The following CRISPLD1 variants were observed in gnomAD, a reference collection of about 807,000 sequenced individuals.
CRISPLD1 encodes cysteine rich secretory protein LCCL domain containing 1, also known as cysteine-rich secretory protein LCCL domain-containing 1.
In CRISPLD1, 60 loss-of-function variants were observed where a neutral mutation model predicts 77.5. The observed-to-expected ratio is 0.77, with a 90% CI of 0.63 to 0.96. CRISPLD1 has a LOEUF of 0.96. Among genes scored for constraint, CRISPLD1 ranks in the 40% least tolerant of loss-of-function variants. CRISPLD1 has a pLI of 0.00. For missense variants in CRISPLD1, 623 were observed against 615.8 expected (o/e 1.01, Z -0.12); for synonymous variants, 195 against 200.1 (o/e 0.97, Z 0.22).
intron 2 of CRISPLD1, among the ~76,000 whole-genome samples, chr8:74,994,180 TA>T (rs1325410521): frequency 6.6e-6 from 1 of 152,176 alleles, no homozygotes; most frequent in Non-Finnish European, 1.5e-5. Context: ...GCAATTGCAG[TA>T]ATCGTACAAC....
intron 10 of CRISPLD1, among the ~76,000 whole-genome samples, chr8:75,018,957 A>G (rs1215720114): frequency 6.6e-6 from 1 of 152,244 alleles, no homozygotes; most frequent in East Asian, 1.9e-4. Flanking sequence ...ACTTTCAATA[A>G]GTAATAAATA....
At position 75,029,279 on chromosome 8, in the gene CRISPLD1, C is replaced by T. The variant is rs564147653; in HGVS notation, c.1321-108C>T. ...ATCCTGTAGCTGCTCACTGGCTATC[C>T]ATGACATCAGGATGTCAGCGACTTC... On this transcript the variant is annotated intron_variant, in intron 13 of 14. Coordinates refer to ENST00000262207, the MANE Select transcript of CRISPLD1 (RefSeq NM_031461.6). The T allele has an allele frequency of 3.6e-4, 389 of 1,068,032 alleles. 4 individuals are homozygous for T. In the South Asian group the frequency reaches 5.9e-3, roughly 16 times the overall value. 66.2% of individuals were successfully genotyped at this position (1,068,032 alleles called of 1,614,324 possible).
intron 6 of CRISPLD1, 98 bp from the exon 7 acceptor site, chr8:75,016,467 C>A: frequency 8.2e-7 from 1 of 1,214,678 alleles, no homozygotes; most frequent in Non-Finnish European, 1.1e-6. Context: ...TTTTCTAGTT[C>A]TAAATGTTAA....
At chr8:75,025,674 A>G in intron 13 of CRISPLD1, 53 bp downstream of exon 13, 2 of 928,678 alleles carry the variant, frequency 2.2e-6, no homozygotes, top group Non-Finnish European at 1.8e-6. Context: ...ATATAAATGT[A>G]TAGACACATT....
intron 2 of CRISPLD1, among the ~76,000 whole-genome samples, chr8:75,004,960 T>C (rs1026897170): frequency 4.6e-5 from 7 of 152,126 alleles, no homozygotes; most frequent in Non-Finnish European, 1.0e-4. Context: ...CTCAACTAAA[T>C]GGAAAGTTTT....
At chr8:75,006,786 C>T (rs1587012822) in intron 2 of CRISPLD1, among the ~76,000 whole-genome samples, 1 of 152,096 alleles carries the variant, frequency 6.6e-6, no homozygotes, top group East Asian at 1.9e-4. Context: ...AGACTAATTA[C>T]AACTTACCAA....
chr8:75,033,020 G>C lies in CRISPLD1; in HGVS notation c.*778G>C, dbSNP rs1468917824. ...TTGTATCCTGGCAAATACTCCTGCA[G>C]GCCAGGAAGTATAATAGCAAAAAGT... On this transcript the variant is annotated 3_prime_UTR_variant, in exon 15 of 15. Transcript: ENST00000262207. The C allele has an allele frequency of 6.6e-6, 1 of 152,094 alleles. No homozygotes were observed. The highest frequency in any genetic ancestry group is 2.4e-5 in the African/African-American group (1 of 41,362). 9.4% of individuals were successfully genotyped at this position (152,094 alleles called of 1,614,324 possible).
Position 75,017,090 on chromosome 8 carries a change from A to AT in CRISPLD1, c.975dup (p.Gly326TrpfsTer6). On this transcript the variant is annotated frameshift_variant, in exon 9 of 15. Transcript: ENST00000262207. LOFTEE classifies it high-confidence loss of function. ...CTGTTTGGATAGTAAAGCTAAAGTT[A>AT]TTGGCAGTGTACATTATGAAATGGT... 1.2e-6 allele frequency: 2 copies of AT among 1,612,552 alleles called. No individual in the cohort carries two copies. The highest frequency in any genetic ancestry group is 1.7e-6 in the Non-Finnish European group (2 of 1,179,062).
At chr8:75,029,773 G>A (rs1396588575) in intron 14 of CRISPLD1, among the ~76,000 whole-genome samples, 1 of 152,016 alleles carries the variant, frequency 6.6e-6, no homozygotes, top group Non-Finnish European at 1.5e-5. Flanking sequence ...CTACTCTTTT[G>A]TTAATTAGTC....
At position 75,017,030 on chromosome 8, in the gene CRISPLD1, C is replaced by T. The variant is rs1813042857; in HGVS notation, c.930-17C>T. On this transcript the variant is annotated splice_polypyrimidine_tract_variant and intron_variant, in intron 8 of 14. Transcript: ENST00000262207. ...ATTCAGAGAAACTAAATTTTGTGCCCAATTACTTTTATTTAGGTACGAATG... is the reference window on the plus strand; with the variant it reads ...ATTCAGAGAAACTAAATTTTGTGCCTAATTACTTTTATTTAGGTACGAATG... The T allele has an allele frequency of 3.7e-6, 6 of 1,604,668 alleles. No homozygotes were observed. The highest frequency in any genetic ancestry group is 3.4e-6 in the Non-Finnish European group (4 of 1,174,968).
At chr8:75,031,565 C>CTGTG (rs1491389793) in intron 14 of CRISPLD1, among the ~76,000 whole-genome samples, 37 of 87,562 alleles carry the variant, frequency 4.2e-4, no homozygotes, top group African/African-American at 2.0e-3. Context: ...AGATTGAATG[C>CTGTG]TCTGTGTGTG....
At chr8:75,012,849 C>G in intron 3 of CRISPLD1, 41 bp from the exon 4 acceptor site, 1 of 1,575,494 alleles carries the variant, frequency 6.3e-7, no homozygotes, top group Non-Finnish European at 8.6e-7. Flanking sequence ...TGTATTTTCT[C>G]CAACTTTGCT....
At chr8:75,013,660 C>A (rs1337937074) in intron 4 of CRISPLD1, among the ~76,000 whole-genome samples, 12 of 152,014 alleles carry the variant, frequency 7.9e-5, no homozygotes, top group Non-Finnish European at 1.8e-4. Context: ...ATTTTCTGTT[C>A]CTTTGTCAGA....
intron 5 of CRISPLD1, among the ~76,000 whole-genome samples, 156 bp downstream of exon 5, chr8:75,014,258 T>C (rs1368860723): frequency 6.6e-6 from 1 of 152,196 alleles, no homozygotes; most frequent in African/African-American, 2.4e-5. Context: ...AGTTGCCTAA[T>C]GCATAAAATA....
chr8:74,992,346 C>A (rs1441315869), intron 2 of CRISPLD1, among the ~76,000 whole-genome samples: 1 of 150,802 alleles, frequency 6.6e-6, no homozygotes, highest in Non-Finnish European at 1.5e-5. Flanking sequence ...AAAAATTGTC[C>A]TATAACATAG....
chr8:75,031,759 C>A (rs986281744), intron 14 of CRISPLD1, among the ~76,000 whole-genome samples: 1 of 152,008 alleles, frequency 6.6e-6, no homozygotes, highest in Non-Finnish European at 1.5e-5. Flanking sequence ...TAAGCTAGCG[C>A]TCTAGAGTAT....
chr8:75,019,920 AC>A lies in CRISPLD1; in HGVS notation c.1171+8del. On this transcript the variant is annotated splice_region_variant and intron_variant, in intron 11 of 14. Transcript: ENST00000262207. ...ACAGTCTCTAAAGTAACAGGTTAGCACATTCTTCATCTTATTTTCTTAGTAC... is the reference window on the plus strand; with the variant it reads ...ACAGTCTCTAAAGTAACAGGTTAGCAATTCTTCATCTTATTTTCTTAGTAC... 1 of 1,612,872 alleles carries A rather than the reference AC, an allele frequency of 6.2e-7. No individual in the cohort carries two copies. Among genetic ancestry groups the A allele is most frequent in the Non-Finnish European group, 8.5e-7 (1 of 1,178,804 alleles).
intron 2 of CRISPLD1, among the ~76,000 whole-genome samples, chr8:75,004,677 A>G (rs571032969): frequency 9.2e-5 from 14 of 152,224 alleles, no homozygotes; most frequent in African/African-American, 3.4e-4. Flanking sequence ...TCGAAATAAG[A>G]TGGATGATTT....
At chr8:75,000,061 C>CAA in intron 2 of CRISPLD1, 2 of 792,562 alleles carry the variant, frequency 2.5e-6, no homozygotes, top group Non-Finnish European at 3.1e-6. Context: ...GGATAATGAG[C>CAA]TATTAGGCAA....
Sources: allele counts gnomAD v4.1 joint callset (sites outside exome capture counted in the v4.1 genomes callset), GRCh38; gene constraint gnomAD v4.1.1; transcripts MANE v1.5; gene names NCBI Gene and HGNC (gene_info 2026-07-23, HGNC 2026-07-21).